TESMIN: variants seen among roughly 807,000 people sequenced by gnomAD.
The protein encoded by TESMIN is CXC domain containing 2.
Under a neutral mutation model 47.4 loss-of-function variants are expected in TESMIN, and 34 were observed. The ratio of observed to expected loss-of-function variants is 0.72; its 90% CI spans 0.55 to 0.96. The LOEUF (loss-of-function observed/expected upper bound fraction) is 0.96, where lower values mean the gene tolerates loss of function less well. Among genes scored for constraint, TESMIN ranks in the 40% least tolerant of loss-of-function variants. The pLI is 0.00. For missense variants in TESMIN, 610 were observed against 637.2 expected, an observed-to-expected ratio of 0.96 and a Z score of 0.46; for synonymous variants, 278 against 258.9, an observed-to-expected ratio of 1.07 and a Z score of -0.71.
chr11:68,746,181 A>AC (rs1946518137), intron 3 of TESMIN, among the ~76,000 whole-genome samples: 1 of 151,640 alleles, frequency 6.6e-6, no homozygotes. Context: ...ACACACACAC[A>AC]CACACACACA....
intron 9 of TESMIN, among the ~76,000 whole-genome samples, chr11:68,710,217 A>G (rs1405959911): frequency 6.6e-6 from 1 of 152,206 alleles, no homozygotes; most frequent in Non-Finnish European, 1.5e-5. Context: ...CTCTAACCAA[A>G]TAAGCATGAA....
intron 6 of TESMIN, among the ~76,000 whole-genome samples, chr11:68,720,297 T>C (rs1484609634): frequency 3.3e-5 from 5 of 152,230 alleles, no homozygotes; most frequent in Non-Finnish European, 7.3e-5. Flanking sequence ...AAACCTGCTC[T>C]CTCTCCCACA....
intron 6 of TESMIN, chr11:68,736,844 C>T (rs1287005178): frequency 1.3e-5 from 13 of 979,062 alleles, no homozygotes; most frequent in South Asian, 4.7e-5. Flanking sequence ...AATGGGAAGC[C>T]GGGGGAGAGG....
chr11:68,722,856 A>G (rs1946218838), intron 6 of TESMIN, among the ~76,000 whole-genome samples: 1 of 152,236 alleles, frequency 6.6e-6, no homozygotes, highest in African/African-American at 2.4e-5. Context: ...ATAATTCACC[A>G]AAAAGATGTA....
At chr11:68,714,162 G>A (rs1006446922) in intron 7 of TESMIN, among the ~76,000 whole-genome samples, 10 of 152,192 alleles carry the variant, frequency 6.6e-5, no homozygotes, top group South Asian at 2.1e-4. Flanking sequence ...TGTGGCCTCC[G>A]TTCCGCTTCC....
At chr11:68,726,195 T>A (rs1203540485) in intron 6 of TESMIN, among the ~76,000 whole-genome samples, 2 of 152,176 alleles carry the variant, frequency 1.3e-5, no homozygotes, top group South Asian at 2.1e-4. Flanking sequence ...CGGAGGGCTC[T>A]ATCTACTCTG....
intron 6 of TESMIN, chr11:68,736,662 A>G (rs753934638): frequency 6.1e-6 from 6 of 983,430 alleles, no homozygotes; most frequent in Non-Finnish European, 7.2e-6. Context: ...TTCCTGGCAC[A>G]CCGTTTACAA....
chr11:68,743,954 T>A (rs1163192508), intron 4 of TESMIN, among the ~76,000 whole-genome samples: 4 of 152,208 alleles, frequency 2.6e-5, no homozygotes, highest in African/African-American at 7.2e-5. Context: ...CTTAAGGCAC[T>A]AGGATTTTGT....
chr11:68,734,912 C>A (rs1378636021), intron 6 of TESMIN, among the ~76,000 whole-genome samples: 1 of 152,216 alleles, frequency 6.6e-6, no homozygotes, highest in African/African-American at 2.4e-5. Context: ...GGCCTGCCCT[C>A]ACCTCACTGC....
At chr11:68,744,920 T>TACAAAGCCA in intron 4 of TESMIN, 71 bp downstream of exon 4, 1 of 1,345,670 alleles carries the variant, frequency 7.4e-7, no homozygotes, top group Non-Finnish European at 1.0e-6. Flanking sequence ...TCACTTTATA[T>TACAAAGCCA]ACAAAGCCAA....
intron 4 of TESMIN, among the ~76,000 whole-genome samples, chr11:68,743,218 G>C (rs1177059985): frequency 6.7e-6 from 1 of 150,002 alleles, no homozygotes; most frequent in Non-Finnish European, 1.5e-5. Flanking sequence ...ACATCTATTG[G>C]ATACCACAGG....
chr11:68,724,346 A>G (rs1051808403), intron 6 of TESMIN, among the ~76,000 whole-genome samples: 3 of 152,258 alleles, frequency 2.0e-5, no homozygotes, highest in African/African-American at 7.2e-5. Context: ...AATTATAATA[A>G]TAGCAAATCC....
chr11:68,711,581 T>C (rs1335463494), intron 8 of TESMIN, among the ~76,000 whole-genome samples: 1 of 152,166 alleles, frequency 6.6e-6, no homozygotes, highest in Non-Finnish European at 1.5e-5. Flanking sequence ...CTCCCTTCTC[T>C]ACCCGGGAGC....
intron 6 of TESMIN, chr11:68,737,954 C>T: frequency 9.2e-6 from 9 of 978,310 alleles, no homozygotes; most frequent in Non-Finnish European, 9.7e-6. Context: ...CAAGAAAAAA[C>T]AAACAAACAA....
chr11:68,711,167 G>T, intron 8 of TESMIN, 118 bp from the exon 9 acceptor site: 1 of 818,618 alleles, frequency 1.2e-6, no homozygotes. Flanking sequence ...CAGAGAGTGT[G>T]TGTGTGTCTG....
chr11:68,729,574 T>C (rs1174421886), intron 6 of TESMIN, among the ~76,000 whole-genome samples: 2 of 150,810 alleles, frequency 1.3e-5, no homozygotes, highest in Non-Finnish European at 2.9e-5. Context: ...CTTTGTGGGG[T>C]TCAAGACTTC....
chr11:68,734,634 C>A (rs1466569953), intron 6 of TESMIN, among the ~76,000 whole-genome samples: 1 of 152,214 alleles, frequency 6.6e-6, no homozygotes, highest in Non-Finnish European at 1.5e-5. Context: ...TGTACACAGG[C>A]CTCATCTCTG....
chr11:68,719,367 G>A (rs936315623), intron 6 of TESMIN, among the ~76,000 whole-genome samples: 3 of 152,298 alleles, frequency 2.0e-5, no homozygotes, highest in Admixed American at 6.5e-5. Flanking sequence ...AGTTTTCATC[G>A]TCATAAAAAT....
chr11:68,725,379 A>G (rs189683896), intron 6 of TESMIN, among the ~76,000 whole-genome samples: 197 of 152,338 alleles, frequency 1.3e-3, no homozygotes, highest in African/African-American at 4.6e-3. Context: ...CTAACATCAC[A>G]TTTATCCCAC....
Sources: allele counts gnomAD v4.1 joint callset (sites outside exome capture counted in the v4.1 genomes callset), GRCh38; gene constraint gnomAD v4.1.1; transcripts MANE v1.5; gene names NCBI Gene and HGNC (gene_info 2026-07-23, HGNC 2026-07-21).